PSME4: variants seen among roughly 807,000 people sequenced by gnomAD.
The protein encoded by PSME4 is proteasome activator complex subunit 4.
A neutral mutation model predicts 253.9 loss-of-function variants in PSME4; 89 were observed. That is an observed-to-expected ratio of 0.35 (90% CI 0.30 to 0.42). The LOEUF (loss-of-function observed/expected upper bound fraction) is 0.42, where lower values mean the gene tolerates loss of function less well. Ranked by LOEUF, PSME4 falls within the 10% of genes least tolerant of loss-of-function variation. The pLI is 1.00. For synonymous variants in PSME4, 851 were observed against 759.2 expected (o/e 1.12, Z -1.99); for missense variants, 2,014 against 2,195.2 (o/e 0.92, Z 1.65).
At chr2:53,970,406 C>G in intron 1 of PSME4, 137 bp downstream of exon 1, 1 of 1,431,972 alleles carries the variant, frequency 7.0e-7, no homozygotes, top group Non-Finnish European at 9.3e-7. Flanking sequence ...CTGTCACGAC[C>G]CTGGGATCAC....
intron 20 of PSME4, among the ~76,000 whole-genome samples, chr2:53,912,324 A>G (rs572634304): frequency 1.1e-4 from 16 of 152,336 alleles, no homozygotes; most frequent in Admixed American, 3.9e-4. Context: ...AAGACTATAT[A>G]TAGGACATAT....
At chr2:53,876,907 G>A (rs952589063) in intron 41 of PSME4, among the ~76,000 whole-genome samples, 1 of 151,126 alleles carries the variant, frequency 6.6e-6, no homozygotes, top group African/African-American at 2.4e-5. Flanking sequence ...ATGTATGGTA[G>A]AGACAGAATC....
intron 43 of PSME4, among the ~76,000 whole-genome samples, chr2:53,873,468 AAAATTTTC>A (rs1678989870): frequency 6.6e-6 from 1 of 152,224 alleles, no homozygotes; most frequent in African/African-American, 2.4e-5. Flanking sequence ...TAAAATAAGC[AAAATTTTC>A]ACCAAAAATT....
intron 17 of PSME4, 40 bp downstream of exon 17, chr2:53,922,477 T>C (rs1349357459): frequency 6.3e-7 from 1 of 1,595,448 alleles, no homozygotes; most frequent in South Asian, 1.1e-5. Context: ...CAAGTCAGTG[T>C]TTTCACAGTC....
chr2:53,968,076 C>T (rs145485248), intron 1 of PSME4, among the ~76,000 whole-genome samples: 73 of 152,120 alleles, frequency 4.8e-4, no homozygotes, highest in African/African-American at 1.7e-3. Flanking sequence ...AGTTCAAGAC[C>T]AGCCTGACCA....
chr2:53,875,399 A>G (rs1174441502), intron 42 of PSME4, among the ~76,000 whole-genome samples: 1 of 152,218 alleles, frequency 6.6e-6, no homozygotes. Context: ...TGAATTAGCT[A>G]TCTGCATATT....
intron 43 of PSME4, among the ~76,000 whole-genome samples, chr2:53,872,574 C>T (rs895847338): frequency 2.7e-5 from 4 of 150,786 alleles, no homozygotes; most frequent in African/African-American, 9.7e-5. Context: ...AACCTTGCCT[C>T]TACAAAATCA....
chr2:53,871,341 C>A (rs1448747551), intron 43 of PSME4, among the ~76,000 whole-genome samples: 2 of 152,120 alleles, frequency 1.3e-5, no homozygotes, highest in Non-Finnish European at 2.9e-5. Flanking sequence ...AGCTCCACAT[C>A]CTGGGTTGAT....
chr2:53,946,527 G>A (rs373155105), intron 3 of PSME4, among the ~76,000 whole-genome samples: 1 of 152,190 alleles, frequency 6.6e-6, no homozygotes, highest in South Asian at 2.1e-4. Context: ...TATAGGTCAT[G>A]GTCCCTGTGG....
chr2:53,965,274 A>C (rs549129744), intron 1 of PSME4, among the ~76,000 whole-genome samples: 39 of 149,914 alleles, frequency 2.6e-4, no homozygotes, highest in African/African-American at 9.1e-4. Context: ...GTAAGACAAG[A>C]GTCTCCCTCT....
At chr2:53,899,697 A>C (rs1274363786) in intron 29 of PSME4, among the ~76,000 whole-genome samples, 184 bp downstream of exon 29, 2 of 151,960 alleles carry the variant, frequency 1.3e-5, no homozygotes, top group Admixed American at 1.3e-4. Flanking sequence ...GCATGCCTGT[A>C]ATCTCAGCTA....
At position 53,898,367 on chromosome 2, in the gene PSME4, G is replaced by A; in HGVS notation, c.3423-13C>T. On this transcript the variant is annotated splice_polypyrimidine_tract_variant and intron_variant, in intron 29 of 46. Coordinates refer to ENST00000404125, the MANE Select transcript of PSME4 (RefSeq NM_014614.3). ...ATTTTCATAGTTCCTTTAAAAAAAA[G>A]GTGAGGTATTATTTTACTATAATAC... 4 of 1,574,754 alleles carry A rather than the reference G, an allele frequency of 2.5e-6. No individual in the cohort carries two copies. The highest frequency in any genetic ancestry group is 1.2e-5 in the South Asian group (1 of 85,662).
chr2:53,936,983 T>C (rs1053159249), intron 5 of PSME4, among the ~76,000 whole-genome samples, 156 bp from the exon 6 acceptor site: 25 of 152,114 alleles, frequency 1.6e-4, no homozygotes, highest in Non-Finnish European at 1.8e-4. Flanking sequence ...AACAAAGGGG[T>C]ATTTCTTGTC....
intron 1 of PSME4, 104 bp downstream of exon 1, chr2:53,970,439 G>A: frequency 2.0e-6 from 3 of 1,506,610 alleles, no homozygotes; most frequent in Admixed American, 2.3e-5. Context: ...GCTCCAGCGA[G>A]GACAGAGCTA....
At chr2:53,880,566 C>T (rs1679336058) in intron 41 of PSME4, among the ~76,000 whole-genome samples, 1 of 152,044 alleles carries the variant, frequency 6.6e-6, no homozygotes, top group African/African-American at 2.4e-5. Context: ...AATTTTTAAA[C>T]GATGGTACAA....
At chr2:53,935,357 A>G (rs1669052309) in intron 7 of PSME4, among the ~76,000 whole-genome samples, 1 of 152,176 alleles carries the variant, frequency 6.6e-6, no homozygotes, top group Non-Finnish European at 1.5e-5. Flanking sequence ...GGAAGACACC[A>G]CAAGCAAAAG....
Position 53,893,667 on chromosome 2 carries a change from T to C in PSME4, c.4038+7A>G, listed in dbSNP as rs373392565. The C allele has an allele frequency of 6.8e-6, 11 of 1,607,808 alleles. No individual in the cohort carries two copies. The African/African-American group carries it at 1.2e-4, about 18-fold the overall frequency. On this transcript the variant is annotated splice_region_variant and intron_variant, in intron 35 of 46. Coordinates refer to ENST00000404125, the MANE Select transcript of PSME4 (RefSeq NM_014614.3). Reference sequence around the variant, plus strand: ...TTACAAAGAGGATATGTAAACAATATAGTTACCTTAAAGAGGCAAAAACGT... The same window carrying C: ...TTACAAAGAGGATATGTAAACAATACAGTTACCTTAAAGAGGCAAAAACGT...
chr2:53,876,727 T>TTTTTTTTTTTTTTTTTTTTTTTTTTG (rs1679145042), intron 41 of PSME4, among the ~76,000 whole-genome samples: 1 of 134,544 alleles, frequency 7.4e-6, no homozygotes, highest in Non-Finnish European at 1.6e-5. Context: ...TTTTTTTTTT[T>TTTTTTTTTTTTTTTTTTTTTTTTTTG]TTTTTTTTTG....
rs1055937787 is a variant in PSME4 at position 53,927,565 on chromosome 2, C to T, written c.1504-82G>A. The T allele has an allele frequency of 9.3e-6, 9 of 972,946 alleles. No individual in the cohort carries two copies. The African/African-American group carries it at 9.7e-5, about 11-fold the overall frequency. 60.3% of individuals were successfully genotyped at this position (972,946 alleles called of 1,614,324 possible). On this transcript the variant is annotated intron_variant, in intron 11 of 46. Transcript: ENST00000404125. ...GTATACCATGAACTACAATAAATTACCCCAATAAATTATCTTGATCAAAAT... is the reference window on the plus strand; with the variant it reads ...GTATACCATGAACTACAATAAATTATCCCAATAAATTATCTTGATCAAAAT...
Sources: allele counts gnomAD v4.1 joint callset (sites outside exome capture counted in the v4.1 genomes callset), GRCh38; gene constraint gnomAD v4.1.1; transcripts MANE v1.5; gene names NCBI Gene and HGNC (gene_info 2026-07-23, HGNC 2026-07-21).